ABCC4: variants seen among roughly 807,000 people sequenced by gnomAD.
ABCC4 encodes ATP-binding cassette sub-family C member 4.
ABCC4 carries 102 observed loss-of-function variants against 168.5 expected under a neutral mutation model. The observed-to-expected ratio is 0.61, with a 90% CI of 0.52 to 0.71. The LOEUF (loss-of-function observed/expected upper bound fraction) is 0.71. ABCC4 is among the 30% of genes least tolerant of loss of function. The probability of loss-of-function intolerance (pLI) is 0.00; values close to 1 mark genes in which losing one functional copy is unlikely to be tolerated. For missense variants in ABCC4, 1,402 were observed against 1,605.8 expected (o/e 0.87, Z 2.17); for synonymous variants, 617 against 590.7 (o/e 1.04, Z -0.65).
At chr13:95,255,867 C>A (rs936675054) in intron 1 of ABCC4, among the ~76,000 whole-genome samples, 1 of 152,160 alleles carries the variant, frequency 6.6e-6, no homozygotes, top group African/African-American at 2.4e-5. Context: ...TCATCCACAG[C>A]CTTCTTGTCT....
At chr13:95,274,551 A>G (rs1015732280) in intron 1 of ABCC4, among the ~76,000 whole-genome samples, 2 of 151,740 alleles carry the variant, frequency 1.3e-5, no homozygotes, top group African/African-American at 4.8e-5. Context: ...GTTCACATGC[A>G]CTCCCCTGCC....
At chr13:95,046,618 A>T (rs2032589622) in intron 27 of ABCC4, among the ~76,000 whole-genome samples, 2 of 152,132 alleles carry the variant, frequency 1.3e-5, no homozygotes, top group Non-Finnish European at 2.9e-5. Flanking sequence ...TACAAAAAAA[A>T]TTAGCTGGGC....
At chr13:95,067,859 T>C (rs1338793382) in intron 25 of ABCC4, among the ~76,000 whole-genome samples, 1 of 152,144 alleles carries the variant, frequency 6.6e-6, no homozygotes, top group Non-Finnish European at 1.5e-5. Context: ...TGAAAAATGC[T>C]TTAAAATGGC....
intron 4 of ABCC4, among the ~76,000 whole-genome samples, chr13:95,225,968 TAAAAAAA>T (rs11414379): frequency 4.2e-4 from 50 of 117,788 alleles, no homozygotes; most frequent in African/African-American, 1.5e-3. Context: ...CATCTCCACT[TAAAAAAA>T]AAAAAAAAAG....
At chr13:95,170,510 G>T in intron 14 of ABCC4, 22 bp downstream of exon 14, 1 of 1,533,454 alleles carries the variant, frequency 6.5e-7, no homozygotes, top group Non-Finnish European at 9.0e-7. Flanking sequence ...GCAAGTTCGG[G>T]AGACCTCTAG....
chr13:95,271,269 A>G (rs7317112), intron 1 of ABCC4, among the ~76,000 whole-genome samples: 55,511 of 152,000 alleles, frequency 0.37, 11,777 homozygotes, highest in African/African-American at 0.59. Flanking sequence ...GACGGATTAC[A>G]TTAGTGTGCA....
intron 10 of ABCC4, 150 bp from the exon 11 acceptor site, chr13:95,187,042 T>C (rs1557069): frequency 0.19 from 115,303 of 609,688 alleles, 11,998 homozygotes; most frequent in East Asian, 0.3. Context: ...AAATTGGAAA[T>C]AACATAATGG....
chr13:95,182,155 A>C (rs1475619957), intron 11 of ABCC4, among the ~76,000 whole-genome samples: 1 of 152,224 alleles, frequency 6.6e-6, no homozygotes, highest in Admixed American at 6.5e-5. Context: ...GAGATTAACA[A>C]CAACAACAAA....
rs2034849235 is a variant in ABCC4, at chr13:95,102,598, T to C, written c.2535+13324A>G. 2.0e-5 allele frequency among the ~76,000 whole-genome samples: 3 copies of C among 150,746 alleles called. No individual in the cohort carries two copies. The South Asian group carries it at 6.4e-4, about 32-fold the overall frequency. On this transcript the variant is annotated intron_variant, in intron 20 of 30. Transcript: ENST00000645237. ...CACACCTGGCCCCTACATTATACTT[T>C]GAAGTTATTTACTTACAAGTGATAT... is the stretch of plus-strand genomic sequence containing the variant.
intron 19 of ABCC4, among the ~76,000 whole-genome samples, chr13:95,159,093 T>TTTTA (rs1555323082): frequency 1.6e-5 from 1 of 61,014 alleles, no homozygotes; most frequent in East Asian, 8.1e-4. Flanking sequence ...TAAATAAATT[T>TTTTA]TATATATATA....
intron 19 of ABCC4, among the ~76,000 whole-genome samples, chr13:95,151,782 T>C (rs949136352): frequency 6.6e-6 from 1 of 152,178 alleles, no homozygotes; most frequent in Non-Finnish European, 1.5e-5. Context: ...AAATGCTTGA[T>C]GAATGAAAAA....
chr13:95,101,124 C>T (rs185716621), intron 20 of ABCC4, among the ~76,000 whole-genome samples: 2 of 152,152 alleles, frequency 1.3e-5, no homozygotes, highest in African/African-American at 2.4e-5. Context: ...CCTCCCACCC[C>T]CCTAGGGAAG....
chr13:95,164,468 T>C lies in ABCC4; in HGVS notation c.2085A>G (p.Lys695=). ...AATTCTTATAGGCCTGAAAACCAAC[T>C]TTTCCTTCAGAACGGTTCTCCTCTG... The part of the protein sequence containing the change: ...TLSEENRSEG[K]VGFQAYKNYF... Residue 695 remains lysine (K), a synonymous_variant, in exon 16 of 31, where the codon AAA becomes AAG. Transcript: ENST00000645237. 3.7e-6 allele frequency: 6 copies of C among 1,614,104 alleles called. 2 individuals carry two copies. In the South Asian group the frequency reaches 5.5e-5, roughly 15 times the overall value.
chr13:95,200,134 T>G (rs988261081), intron 8 of ABCC4, among the ~76,000 whole-genome samples: 1 of 152,218 alleles, frequency 6.6e-6, no homozygotes, highest in Non-Finnish European at 1.5e-5. Context: ...TTCTGTGCAT[T>G]GGCTTACCAT....
chr13:95,020,464 T>C lies in ABCC4; in HGVS notation c.*1111A>G, dbSNP rs376197532. On this transcript the variant is annotated 3_prime_UTR_variant, in exon 31 of 31. Coordinates refer to ENST00000645237, the MANE Select transcript of ABCC4 (RefSeq NM_005845.5). ...AAAGTACAAAAGGTCCCAGGAAGTATTGTGGTTTGTTGATTCATTCAACAG... is the reference window on the plus strand; with the variant it reads ...AAAGTACAAAAGGTCCCAGGAAGTACTGTGGTTTGTTGATTCATTCAACAG... 1.3e-5 allele frequency: 2 copies of C among 152,488 alleles called. No homozygotes were observed. The highest frequency in any genetic ancestry group is 4.8e-5 in the African/African-American group (2 of 41,446). The allele number at this position is 152,488 out of a possible 1,614,324, so 9.4% of individuals were successfully genotyped here. A position where few individuals can be genotyped will look rare whatever the true frequency, so the allele number is the denominator to read the frequency against.
intron 3 of ABCC4, among the ~76,000 whole-genome samples, chr13:95,239,533 T>C (rs578222615): frequency 8.5e-5 from 13 of 152,150 alleles, no homozygotes; most frequent in Non-Finnish European, 1.6e-4. Flanking sequence ...CAAAGACTAA[T>C]AGTATACATT....
intron 2 of ABCC4, 90 bp downstream of exon 2, chr13:95,247,553 G>A: frequency 1.1e-6 from 1 of 939,872 alleles, no homozygotes; most frequent in Admixed American, 2.1e-5. Flanking sequence ...GTAAACGGAG[G>A]CTCCAGACAG....
chr13:95,025,261 A>ACC (rs1673063115), intron 30 of ABCC4, among the ~76,000 whole-genome samples: 2 of 15,784 alleles, frequency 1.3e-4, no homozygotes, highest in Non-Finnish European at 2.1e-4. Context: ...ACACACACAC[A>ACC]CCCCCACACC....
intron 3 of ABCC4, among the ~76,000 whole-genome samples, chr13:95,240,640 G>A (rs2039914580): frequency 6.6e-6 from 1 of 152,044 alleles, no homozygotes; most frequent in Admixed American, 6.6e-5. Context: ...TACTGAAGCT[G>A]GCTTAGGGGT....
Sources: gnomAD v4.1 joint callset for allele counts (sites outside exome capture counted in the v4.1 genomes callset) on GRCh38, gnomAD v4.1.1 for gene constraint, MANE v1.5 for transcripts, NCBI Gene and HGNC (gene_info 2026-07-23, HGNC 2026-07-21) for gene names.